TNR: variants seen among roughly 807,000 people sequenced by gnomAD.
TNR encodes tenascin R.
TNR carries 45 observed loss-of-function variants against 150.4 expected under a neutral mutation model. The observed-to-expected ratio is 0.30, with a 90% CI of 0.24 to 0.38. TNR has a LOEUF of 0.38. Among genes scored for constraint, TNR ranks in the 10% least tolerant of loss-of-function variants. TNR has a pLI of 1.00. For missense variants in TNR, 1,544 were observed against 1,759.1 expected, an observed-to-expected ratio of 0.88 and a Z score of 2.19; for synonymous variants, 687 against 678.4, an observed-to-expected ratio of 1.01 and a Z score of -0.20.
At chr1:175,662,432 CT>C (rs768678805) in intron 1 of TNR, among the ~76,000 whole-genome samples, 8 of 152,160 alleles carry the variant, frequency 5.3e-5, no homozygotes, top group Non-Finnish European at 1.0e-4. Flanking sequence ...CCTGTCTCCT[CT>C]TGGTGTTGCC....
At chr1:175,365,383 G>C in intron 11 of TNR, 104 bp from the exon 12 acceptor site, 1 of 1,320,102 alleles carries the variant, frequency 7.6e-7, no homozygotes, top group Non-Finnish European at 1.0e-6. Context: ...TGCTAATAAG[G>C]GCCACACCTT....
intron 5 of TNR, among the ~76,000 whole-genome samples, chr1:175,394,957 AC>A (rs1653356450): frequency 1.3e-5 from 2 of 152,036 alleles, no homozygotes; most frequent in Non-Finnish European, 2.9e-5. Flanking sequence ...TAGGGTGGTG[AC>A]TCATCCCGGA....
intron 1 of TNR, among the ~76,000 whole-genome samples, chr1:175,682,004 G>C (rs1357158233): frequency 6.6e-6 from 1 of 152,100 alleles, no homozygotes; most frequent in Non-Finnish European, 1.5e-5. Context: ...GCCTTGCAGA[G>C]TAGGTGATTC....
chr1:175,456,974 C>T (rs543926654), intron 2 of TNR, among the ~76,000 whole-genome samples: 211 of 152,276 alleles, frequency 1.4e-3, no homozygotes, highest in Non-Finnish European at 2.3e-3. Flanking sequence ...GCATTTCAAT[C>T]CTGCCTCTAG....
chr1:175,713,102 T>G (rs1179681416), intron 1 of TNR, among the ~76,000 whole-genome samples: 1 of 152,166 alleles, frequency 6.6e-6, no homozygotes, highest in African/African-American at 2.4e-5. Flanking sequence ...GGAGCGATAA[T>G]GCTGGACGAT....
At chr1:175,349,349 T>C (rs1004767466) in intron 18 of TNR, among the ~76,000 whole-genome samples, 1 of 152,160 alleles carries the variant, frequency 6.6e-6, no homozygotes, top group African/African-American at 2.4e-5. Flanking sequence ...ATGTCCATTT[T>C]TGGGAGAATG....
chr1:175,359,164 T>A (rs1286327819), intron 15 of TNR, among the ~76,000 whole-genome samples: 1 of 139,440 alleles, frequency 7.2e-6, no homozygotes, highest in African/African-American at 2.8e-5. Flanking sequence ...TTTTTTTTTT[T>A]AGATGGAGTC....
At chr1:175,721,256 C>A (rs567521757) in intron 1 of TNR, among the ~76,000 whole-genome samples, 1 of 152,262 alleles carries the variant, frequency 6.6e-6, no homozygotes, top group Admixed American at 6.5e-5. Context: ...GTTTCCATAG[C>A]TCTTTGGGGT....
intron 2 of TNR, among the ~76,000 whole-genome samples, chr1:175,508,788 C>T (rs1659054106): frequency 6.6e-6 from 1 of 152,234 alleles, no homozygotes; most frequent in Non-Finnish European, 1.5e-5. Flanking sequence ...TCCTGGCCCT[C>T]AGAAACTGTG....
chr1:175,435,091 C>T (rs991029742), intron 2 of TNR, among the ~76,000 whole-genome samples: 3 of 152,140 alleles, frequency 2.0e-5, no homozygotes, highest in East Asian at 1.9e-4. Flanking sequence ...TGGAGAGTTA[C>T]GAGCAGAGGA....
chr1:175,440,683 A>G (rs1655742836), intron 2 of TNR, among the ~76,000 whole-genome samples: 1 of 152,104 alleles, frequency 6.6e-6, no homozygotes, highest in Admixed American at 6.6e-5. Flanking sequence ...AGTGAAGACC[A>G]TGTTTCAGTG....
intron 1 of TNR, among the ~76,000 whole-genome samples, chr1:175,712,833 A>G (rs1667054813): frequency 6.6e-6 from 1 of 152,184 alleles, no homozygotes; most frequent in Non-Finnish European, 1.5e-5. Flanking sequence ...TACAGTCTGC[A>G]GACCTGTAAG....
rs547757709 is a variant in TNR at position 175,432,467 on chromosome 1, C to T, written c.-63-25690G>A. The stretch of plus-strand genomic sequence containing the variant: ...CCCCTAAGGATAGAAAACGGGCACC[C>T]GGTAACACCTGCATTACATTTTCCT... On this transcript the variant is annotated intron_variant, in intron 2 of 22. Coordinates refer to ENST00000367674, the MANE Select transcript of TNR (RefSeq NM_003285.3). Among the ~76,000 whole-genome samples, 51 of 152,270 alleles carry T rather than the reference C, an allele frequency of 3.3e-4. 1 individual carries two copies. The highest frequency in any genetic ancestry group is 8.7e-4 in the African/African-American group (36 of 41,554).
intron 2 of TNR, among the ~76,000 whole-genome samples, chr1:175,510,820 T>C (rs1659141426): frequency 1.3e-5 from 2 of 152,206 alleles, no homozygotes; most frequent in Non-Finnish European, 1.5e-5. Context: ...TCCCCTGAAG[T>C]GATAGTATCC....
chr1:175,598,366 A>G (rs1663089786), intron 1 of TNR, among the ~76,000 whole-genome samples: 2 of 152,256 alleles, frequency 1.3e-5, no homozygotes, highest in South Asian at 4.1e-4. Flanking sequence ...AGATCACTTC[A>G]TTAGTTATAT....
intron 2 of TNR, among the ~76,000 whole-genome samples, chr1:175,456,775 A>G (rs1268729172): frequency 1.3e-5 from 2 of 152,218 alleles, no homozygotes; most frequent in African/African-American, 4.8e-5. Context: ...AGAAGAAATC[A>G]GTTCTAAAAT....
In TNR at chr1:175,323,273, T is replaced by G; in HGVS notation, c.*84A>C. The G allele has an allele frequency of 1.3e-6, 2 of 1,549,440 alleles. No homozygotes were observed. The highest frequency in any genetic ancestry group is 1.2e-5 in the South Asian group (1 of 84,310). ...ACTCTTAATATGTTGCAAAACACATTGCTATTACCCTCCCCCCTTGTTTCA... is the reference window on the plus strand; with the variant it reads ...ACTCTTAATATGTTGCAAAACACATGGCTATTACCCTCCCCCCTTGTTTCA... On this transcript the variant is annotated 3_prime_UTR_variant, in exon 23 of 23. Coordinates refer to ENST00000367674, the MANE Select transcript of TNR (RefSeq NM_003285.3).
chr1:175,725,200 T>C (rs1571793448), intron 1 of TNR, among the ~76,000 whole-genome samples: 1 of 152,184 alleles, frequency 6.6e-6, no homozygotes, highest in Non-Finnish European at 1.5e-5. Context: ...AATGAGGAGG[T>C]GCCATCTATA....
chr1:175,346,082 T>C (rs1650766559), intron 18 of TNR, among the ~76,000 whole-genome samples: 1 of 152,118 alleles, frequency 6.6e-6, no homozygotes, highest in South Asian at 2.1e-4. Context: ...CTGATTAAAT[T>C]ACAATTTCAA....
Sources: allele counts gnomAD v4.1 joint callset (sites outside exome capture counted in the v4.1 genomes callset), GRCh38; gene constraint gnomAD v4.1.1; transcripts MANE v1.5; gene names NCBI Gene and HGNC (gene_info 2026-07-23, HGNC 2026-07-21).